The following COL6A3 variants were observed in gnomAD, a reference collection of about 807,000 sequenced individuals.
COL6A3 encodes collagen type VI alpha 3 chain, also known as collagen alpha-3(VI) chain.
Under a neutral mutation model 274.1 loss-of-function variants are expected in COL6A3, and 137 were observed. That is an observed-to-expected ratio of 0.50 (90% CI 0.44 to 0.58). The LOEUF is 0.58. Among genes scored for constraint, COL6A3 ranks in the 20% least tolerant of loss-of-function variants. COL6A3 has a pLI of 0.00. For missense variants in COL6A3, 3,950 were observed against 4,124.9 expected (o/e 0.96, Z 1.16); for synonymous variants, 1,650 against 1,650.6 (o/e 1.00, Z 0.01).
Position 237,325,485 on chromosome 2 carries a change from A to G in COL6A3, c.9493+75T>C, listed in dbSNP as rs1179824022. Reference sequence around the variant, plus strand: ...CATGTATCATAATCATTGCACTTCTAATATTTTTCAAGGTGACTTATTGAC... The same window carrying G: ...CATGTATCATAATCATTGCACTTCTGATATTTTTCAAGGTGACTTATTGAC... On this transcript the variant is annotated intron_variant, in intron 43 of 43. Transcript: ENST00000295550. 2.7e-6 allele frequency: 4 copies of G among 1,485,418 alleles called. No individual in the cohort carries two copies. In the Admixed American group the frequency reaches 6.7e-5, roughly 25 times the overall value. 92.0% of individuals were successfully genotyped at this position (1,485,418 alleles called of 1,614,324 possible). A position where few individuals can be genotyped will look rare whatever the true frequency, so the allele number is the denominator to read the frequency against.
At position 237,344,289 on chromosome 2, in the gene COL6A3, G is replaced by A; in HGVS notation, c.7668+61C>T. On this transcript the variant is annotated intron_variant, in intron 36 of 43. Transcript: ENST00000295550. This position sits in a 1 kb window ranked among gnomAD's most constrained non-coding sequence, Gnocchi z 4.8. ...GCCACAAAGGAGCATGGACGTGTCT[G>A]AGAACCTTCTCAGAGCCCCAGAAGA... 1.2e-6 allele frequency: 2 copies of A among 1,612,956 alleles called. No homozygotes were observed. The highest frequency in any genetic ancestry group is 8.5e-7 in the Non-Finnish European group (1 of 1,179,618).
At chr2:237,406,104 C>A (rs1427280666) in intron 1 of COL6A3, among the ~76,000 whole-genome samples, 1 of 152,036 alleles carries the variant, frequency 6.6e-6, no homozygotes. Flanking sequence ...AGTTTCTATC[C>A]CTTTGAAATT....
At chr2:237,351,542 C>G (rs951263087) in intron 26 of COL6A3, among the ~76,000 whole-genome samples, 1 of 152,220 alleles carries the variant, frequency 6.6e-6, no homozygotes, top group African/African-American at 2.4e-5. Flanking sequence ...CACACCCTCA[C>G]AGTGAGCACC....
intron 1 of COL6A3, among the ~76,000 whole-genome samples, chr2:237,412,316 C>A (rs905061258): frequency 1.3e-5 from 2 of 152,240 alleles, no homozygotes; most frequent in East Asian, 3.9e-4. Flanking sequence ...CCCCGCCCCA[C>A]GGTCCACCTC....
At chr2:237,410,999 G>C (rs1236922639) in intron 1 of COL6A3, among the ~76,000 whole-genome samples, 2 of 152,210 alleles carry the variant, frequency 1.3e-5, no homozygotes, top group African/African-American at 4.8e-5. Context: ...TTCTTAGCTA[G>C]AGCTAATAGG....
In COL6A3 at chr2:237,344,310, GAAGA is replaced by G. The variant is rs754011838; in HGVS notation, c.7668+36_7668+39del. 1.2e-4 allele frequency: 193 copies of G among 1,613,938 alleles called. 1 individual carries two copies. The highest frequency in any genetic ancestry group is 8.5e-4 in the South Asian group (77 of 91,026). On this transcript the variant is annotated intron_variant, in intron 36 of 43. Transcript: ENST00000295550. This position sits in a 1 kb window ranked among gnomAD's most constrained non-coding sequence, Gnocchi z 4.8. ...GTCTGAGAACCTTCTCAGAGCCCCAGAAGAAAGGGAGATGCCAACAGCACGCACA... is the reference window on the plus strand; with the variant it reads ...GTCTGAGAACCTTCTCAGAGCCCCAGAAGGGAGATGCCAACAGCACGCACA...
intron 43 of COL6A3, 119 bp downstream of exon 43, chr2:237,325,441 C>A: frequency 8.7e-7 from 1 of 1,150,538 alleles, no homozygotes. Flanking sequence ...TCTGAGGATA[C>A]ACTTTATCTT....
chr2:237,340,728 C>T lies in COL6A3; in HGVS notation c.8188G>A (p.Ala2730Thr). Residue 2730 changes from alanine to threonine, a missense_variant, in exon 38 of 44, where the codon GCC (alanine) becomes ACC (threonine). Transcript: ENST00000295550. The part of the protein sequence containing the change: ...EYTIENVFES[A>T]PNPRDLKIVV... ...ATTTTCAGGTCCCGTGGGTTTGGGG[C>T]ACTTTCAAAGACATTCTCTATGGTG... 1 of 1,614,172 alleles carries T rather than the reference C, an allele frequency of 6.2e-7. No homozygotes were observed. The highest frequency in any genetic ancestry group is 8.5e-7 in the Non-Finnish European group (1 of 1,180,036).
intron 26 of COL6A3, among the ~76,000 whole-genome samples, chr2:237,351,558 C>T (rs2077206804): frequency 6.6e-6 from 1 of 152,172 alleles, no homozygotes; most frequent in Admixed American, 6.5e-5. Flanking sequence ...GCACCTGGTA[C>T]ATATGGGCAT....
At chr2:237,376,501 T>C (rs747882488) in intron 7 of COL6A3, among the ~76,000 whole-genome samples, 14 of 152,208 alleles carry the variant, frequency 9.2e-5, no homozygotes, top group Non-Finnish European at 1.9e-4. Flanking sequence ...ACCACTGATA[T>C]CTAAATCTTT....
intron 42 of COL6A3, among the ~76,000 whole-genome samples, chr2:237,330,694 C>T (rs1326831052): frequency 6.6e-6 from 1 of 152,126 alleles, no homozygotes; most frequent in Admixed American, 6.6e-5. Flanking sequence ...ACAAAAAATG[C>T]CCCAACCAGA....
chr2:237,412,374 T>A (rs985225664), intron 1 of COL6A3, among the ~76,000 whole-genome samples: 3 of 152,200 alleles, frequency 2.0e-5, no homozygotes, highest in Non-Finnish European at 4.4e-5. Flanking sequence ...CCAAAGCAGT[T>A]TTCCCAACGA....
rs1490756181 is a variant in COL6A3, at chr2:237,413,668, T to C, written c.-31+285A>G. 6.6e-6 allele frequency among the ~76,000 whole-genome samples: 1 copy of C among 152,134 alleles called. No homozygotes were observed. The highest frequency in any genetic ancestry group is 1.9e-4 in the East Asian group (1 of 5,180). On this transcript the variant is annotated intron_variant, in intron 1 of 43. Coordinates refer to ENST00000295550, the MANE Select transcript of COL6A3 (RefSeq NM_004369.4). The surrounding 1 kb of genome is among the most constrained non-coding windows in gnomAD (Gnocchi z 4.0). Reference sequence around the variant, plus strand: ...AAATAAATCATGGGCCGAAACACACTGCCGCCCGGAATGCACAGGGCGCGT... The same window carrying C: ...AAATAAATCATGGGCCGAAACACACCGCCGCCCGGAATGCACAGGGCGCGT...
chr2:237,352,687 G>C, intron 25 of COL6A3, 103 bp from the exon 26 acceptor site: 5 of 1,162,960 alleles, frequency 4.3e-6, no homozygotes, highest in Non-Finnish European at 5.1e-6. Context: ...CCTCACTTCT[G>C]CTGGCCAAAA....
chr2:237,397,906 G>T (rs966548913), intron 1 of COL6A3, among the ~76,000 whole-genome samples: 4 of 152,094 alleles, frequency 2.6e-5, no homozygotes, highest in Admixed American at 2.6e-4. Context: ...AGTGATGTAC[G>T]CAGCAATTTG....
At chr2:237,347,902 C>G (rs1448107745) in intron 30 of COL6A3, 33 bp from the exon 31 acceptor site, 6 of 1,591,160 alleles carry the variant, frequency 3.8e-6, no homozygotes, top group Non-Finnish European at 5.1e-6. Context: ...GCACAGTAAG[C>G]TTTGGAACAG....
At chr2:237,385,953 C>T (rs1370071535) in intron 4 of COL6A3, among the ~76,000 whole-genome samples, 1 of 152,210 alleles carries the variant, frequency 6.6e-6, no homozygotes, top group Non-Finnish European at 1.5e-5. Flanking sequence ...CTAAGCCACA[C>T]AGAATTGACC....
intron 1 of COL6A3, among the ~76,000 whole-genome samples, chr2:237,401,548 CAGCCACACTCTG>C (rs2078589557): frequency 1.3e-5 from 2 of 152,128 alleles, no homozygotes; most frequent in Admixed American, 1.3e-4. Flanking sequence ...CTGTGAAGCT[CAGCCACACTCTG>C]AGCACAGAGT....
At chr2:237,400,217 T>A (rs1215189715) in intron 1 of COL6A3, among the ~76,000 whole-genome samples, 1 of 152,204 alleles carries the variant, frequency 6.6e-6, no homozygotes, top group Non-Finnish European at 1.5e-5. Flanking sequence ...GCATTCAGCA[T>A]CAGTGTGAAT....
Sources: gnomAD v4.1 joint callset for allele counts (sites outside exome capture counted in the v4.1 genomes callset) on GRCh38, gnomAD v4.1.1 for gene constraint, Gnocchi (gnomAD v3.1) non-coding constraint, MANE v1.5 for transcripts, NCBI Gene and HGNC (gene_info 2026-07-23, HGNC 2026-07-21) for gene names.